INPP5K: variants seen among roughly 807,000 people sequenced by gnomAD.
INPP5K encodes inositol polyphosphate-5-phosphatase K.
A neutral mutation model predicts 53.5 loss-of-function variants in INPP5K; 35 were observed. That is an observed-to-expected ratio of 0.65 (90% CI 0.50 to 0.87). The LOEUF is 0.87. Among genes scored for constraint, INPP5K ranks in the 40% least tolerant of loss-of-function variants. INPP5K has a pLI of 0.00. For missense variants in INPP5K, 550 were observed against 586.2 expected (o/e 0.94, Z 0.64); for synonymous variants, 253 against 232.8 (o/e 1.09, Z -0.79).
intron 7 of INPP5K, chr17:1,498,344 C>A: frequency 2.3e-6 from 1 of 431,376 alleles, no homozygotes. Context: ...CCAGGACCCT[C>A]TGTATGTCTA....
chr17:1,508,621 G>A, intron 5 of INPP5K: 1 of 308,004 alleles, frequency 3.2e-6, no homozygotes, highest in Non-Finnish European at 6.2e-6. Flanking sequence ...GCAAAGCAAG[G>A]GGAGACAGCA....
In INPP5K at chr17:1,507,074, T is replaced by A. The variant is rs2075175963; in HGVS notation, c.682A>T (p.Lys228Ter). The change falls in exon 7 of 12, where the codon AAA (lysine) becomes TAA (stop). Residue 228 changes from lysine (K) to a stop codon, truncating the protein, a stop_gained. Transcript: ENST00000421807. LOFTEE classifies it high-confidence loss of function. ...AACTCCCGGAGCAGCGGGTCATGTTTCTTGGCAATGCTGAGCTGCAGACAA... is the reference window on the plus strand; with the variant it reads ...AACTCCCGGAGCAGCGGGTCATGTTACTTGGCAATGCTGAGCTGCAGACAA... ...WEKDQLSIAK[K>*]HDPLLREFQE... is the part of the protein sequence containing the mutation. 1.1e-5 allele frequency: 17 copies of A among 1,613,852 alleles called. No individual in the cohort carries two copies. The highest frequency in any genetic ancestry group is 1.4e-5 in the Non-Finnish European group (17 of 1,179,946).
chr17:1,506,224 A>G (rs139163278), intron 7 of INPP5K, among the ~76,000 whole-genome samples: 13,800 of 152,122 alleles, frequency 0.091, 1,369 homozygotes, highest in East Asian at 0.43. Context: ...GGGTTTTACC[A>G]TGTTGGTCAG....
intron 7 of INPP5K, among the ~76,000 whole-genome samples, chr17:1,503,391 C>T (rs905613684): frequency 5.9e-5 from 9 of 151,700 alleles, no homozygotes; most frequent in South Asian, 2.1e-4. Flanking sequence ...TCACCGTGTT[C>T]ACCAGGATGG....
chr17:1,501,858 A>AACACAC (rs144743570), intron 7 of INPP5K, among the ~76,000 whole-genome samples: 436 of 147,820 alleles, frequency 2.9e-3, no homozygotes, highest in Middle Eastern at 0.014. Context: ...CTCTACTAAA[A>AACACAC]ACACACACAC....
At chr17:1,508,645 G>A in intron 5 of INPP5K, 2 of 312,496 alleles carry the variant, frequency 6.4e-6, no homozygotes, top group Non-Finnish European at 1.2e-5. Flanking sequence ...GGGCACCAGG[G>A]AAGGGTCAGG....
At chr17:1,515,899 G>A (rs764842365) in intron 1 of INPP5K, 58 of 986,098 alleles carry the variant, frequency 5.9e-5, no homozygotes, top group Non-Finnish European at 6.9e-5. Flanking sequence ...CTAAGAGGAT[G>A]GAGAGCAAAA....
intron 3 of INPP5K, 94 bp from the exon 4 acceptor site, chr17:1,509,893 A>G (rs1001767633): frequency 2.8e-6 from 2 of 710,330 alleles, no homozygotes; most frequent in African/African-American, 3.6e-5. Context: ...GAGAGCCCTC[A>G]GCTACATGCA....
intron 7 of INPP5K, among the ~76,000 whole-genome samples, chr17:1,499,242 G>A (rs8070586): frequency 0.66 from 100,964 of 151,994 alleles, 33,833 homozygotes; most frequent in Non-Finnish European, 0.7. Context: ...GGCCGCGCGC[G>A]GTGCTCACGC....
rs753334520 is a variant in INPP5K, at chr17:1,508,245, G to A, written c.555-19C>T. On this transcript the variant is annotated intron_variant, in intron 5 of 11. Transcript: ENST00000421807. ...AATGAGGCTTCAGAAAAAAAGGAGGGCAGCCTGAGGATTTGTGATGAAGTC... is the reference window on the plus strand; with the variant it reads ...AATGAGGCTTCAGAAAAAAAGGAGGACAGCCTGAGGATTTGTGATGAAGTC... 11 of 1,574,048 alleles carry A rather than the reference G, an allele frequency of 7.0e-6. No homozygotes were observed. The highest frequency in any genetic ancestry group is 1.7e-4 in the Middle Eastern group (1 of 6,002).
At chr17:1,514,766 T>G (rs1236387949) in intron 1 of INPP5K, among the ~76,000 whole-genome samples, 2 of 152,160 alleles carry the variant, frequency 1.3e-5, no homozygotes, top group Non-Finnish European at 2.9e-5. Flanking sequence ...GGATTCAGAT[T>G]TCACCTTGTG....
Position 1,515,485 on chromosome 17 carries a change from G to A in INPP5K, c.44+971C>T, listed in dbSNP as rs77599368. 315 of 985,510 alleles carry A rather than the reference G, an allele frequency of 3.2e-4. 3 individuals are homozygous for A. The African/African-American group carries it at 4.3e-3, about 13-fold the overall frequency. The allele number at this position is 985,510 out of a possible 1,614,324, so 61.0% of individuals were successfully genotyped here. A position where few individuals can be genotyped will look rare whatever the true frequency, so the allele number is the denominator to read the frequency against. ...CTCTTCAAGAAGCCTCAGACTGTGCGGAGCACAGAGCGGGCAGGAGCTACA... is the reference window on the plus strand; with the variant it reads ...CTCTTCAAGAAGCCTCAGACTGTGCAGAGCACAGAGCGGGCAGGAGCTACA... On this transcript the variant is annotated intron_variant, in intron 1 of 11. Coordinates refer to ENST00000421807, the MANE Select transcript of INPP5K (RefSeq NM_016532.4).
chr17:1,506,284 C>G (rs967017613), intron 7 of INPP5K, among the ~76,000 whole-genome samples: 1 of 152,144 alleles, frequency 6.6e-6, no homozygotes, highest in Non-Finnish European at 1.5e-5. Flanking sequence ...TCGGCCCTCC[C>G]AAAGTGCTGG....
intron 6 of INPP5K, 55 bp from the exon 7 acceptor site, chr17:1,507,144 T>C: frequency 6.0e-6 from 8 of 1,334,126 alleles, no homozygotes; most frequent in Admixed American, 1.7e-5. Context: ...AGTGGCCCAG[T>C]ACCACACTCC....
At chr17:1,497,240 GTTTGGGAGGATCACTTGAGCCCAGGAGT>G (rs1258641226) in intron 8 of INPP5K, among the ~76,000 whole-genome samples, 1 of 152,214 alleles carries the variant, frequency 6.6e-6, no homozygotes, top group Non-Finnish European at 1.5e-5. Flanking sequence ...AATCCCAACA[GTTTGGGAGGATCACTTGAGCCCAGGAGT>G]TCGAGACTAG....
chr17:1,497,593 G>C (rs1349155793), intron 8 of INPP5K, among the ~76,000 whole-genome samples: 1 of 152,158 alleles, frequency 6.6e-6, no homozygotes, highest in Admixed American at 6.5e-5. Context: ...AGGGATGGAG[G>C]GAGCGCCCGT....
chr17:1,516,076 C>T, intron 1 of INPP5K: 1 of 1,113,884 alleles, frequency 9.0e-7, no homozygotes, highest in Non-Finnish European at 1.1e-6. Flanking sequence ...TTTCGGATTC[C>T]CGGGGTTCAC....
chr17:1,497,623 A>T (rs995887200), intron 8 of INPP5K: 10 of 234,426 alleles, frequency 4.3e-5, no homozygotes, highest in Non-Finnish European at 5.9e-5. Context: ...ATCCAGATAG[A>T]TTTAGGACAA....
At chr17:1,510,870 C>T (rs559022293) in intron 3 of INPP5K, among the ~76,000 whole-genome samples, 1 of 151,910 alleles carries the variant, frequency 6.6e-6, no homozygotes, top group East Asian at 1.9e-4. Context: ...AAGCAATCTC[C>T]CTGCCTCTAT....
Sources: allele counts gnomAD v4.1 joint callset (sites outside exome capture counted in the v4.1 genomes callset), GRCh38; gene constraint gnomAD v4.1.1; transcripts MANE v1.5; gene names NCBI Gene and HGNC (gene_info 2026-07-23, HGNC 2026-07-21).